LDB2: variants seen among roughly 807,000 people sequenced by gnomAD.
LDB2 encodes LIM domain-binding protein 2.
A neutral mutation model predicts 44.3 loss-of-function variants in LDB2; 12 were observed. The observed-to-expected ratio is 0.27, with a 90% CI of 0.17 to 0.44. The LOEUF is 0.44. Ranked by LOEUF, LDB2 falls within the 20% of genes least tolerant of loss-of-function variation. LDB2 has a pLI of 1.00. For synonymous variants in LDB2, 164 were observed against 174.8 expected (o/e 0.94, Z 0.49); for missense variants, 344 against 473.5 (o/e 0.73, Z 2.54).
chr4:16,594,090 T>A (rs1031890427), intron 3 of LDB2, among the ~76,000 whole-genome samples: 15 of 73,988 alleles, frequency 2.0e-4, no homozygotes, highest in Non-Finnish European at 3.1e-4. Flanking sequence ...TTATCATGGA[T>A]TTTTTTTTTC....
chr4:16,673,602 ACC>A (rs1745482795), intron 2 of LDB2, among the ~76,000 whole-genome samples: 1 of 152,092 alleles, frequency 6.6e-6, no homozygotes, highest in South Asian at 2.1e-4. Context: ...TTAGGAGAGC[ACC>A]CTTCTCCATG....
intron 5 of LDB2, among the ~76,000 whole-genome samples, chr4:16,573,535 T>G (rs912995110): frequency 5.9e-5 from 9 of 152,218 alleles, no homozygotes; most frequent in African/African-American, 2.2e-4. Flanking sequence ...TCTCATTTTC[T>G]GAACTCATGA....
At chr4:16,721,733 G>T (rs1445792005) in intron 2 of LDB2, among the ~76,000 whole-genome samples, 1 of 152,124 alleles carries the variant, frequency 6.6e-6, no homozygotes, top group Non-Finnish European at 1.5e-5. Flanking sequence ...AAGTCTCCTT[G>T]TCTCATCTTG....
chr4:16,825,098 A>AAG (rs758709223), intron 1 of LDB2, among the ~76,000 whole-genome samples: 3 of 152,186 alleles, frequency 2.0e-5, no homozygotes, highest in African/African-American at 4.8e-5. Flanking sequence ...GGTGGCTGGA[A>AAG]AGAGAGACCC....
chr4:16,615,344 T>C (rs967246522), intron 2 of LDB2, among the ~76,000 whole-genome samples: 3 of 152,138 alleles, frequency 2.0e-5, no homozygotes, highest in Non-Finnish European at 4.4e-5. Context: ...GGCAAAGACA[T>C]GGAACCAACC....
chr4:16,764,966 A>G (rs1453297725), intron 1 of LDB2, among the ~76,000 whole-genome samples: 2 of 152,182 alleles, frequency 1.3e-5, no homozygotes, highest in Non-Finnish European at 2.9e-5. Flanking sequence ...CATAATCATC[A>G]CACGTTAAAC....
intron 2 of LDB2, chr4:16,752,464 T>C (rs575896201): frequency 8.8e-6 from 4 of 452,690 alleles, no homozygotes; most frequent in South Asian, 6.3e-5. Flanking sequence ...GGTTCCTGTA[T>C]AGAAAGAAGA....
chr4:16,816,407 CTT>C lies in LDB2; in HGVS notation c.133-57149_133-57148del, dbSNP rs1171864969. ...TTTAGTTCTTATTTTCTTTTTCTTT[CTT>C]TTTTTTTTTTTTTTTTTGAGATGGA... is the stretch of plus-strand genomic sequence containing the variant. On this transcript the variant is annotated intron_variant, in intron 1 of 7. Coordinates refer to ENST00000304523, the MANE Select transcript of LDB2 (RefSeq NM_001290.5). Among the ~76,000 whole-genome samples the C allele has an allele frequency of 1.8e-4, 22 of 120,982 alleles. 1 individual carries two copies. The highest frequency in any genetic ancestry group is 4.8e-4 in the African/African-American group (15 of 30,946). The allele number at this position is 120,982 out of a possible 152,430, so 79.4% of individuals were successfully genotyped here.
chr4:16,674,380 G>A, intron 2 of LDB2: 5 of 772,172 alleles, frequency 6.5e-6, no homozygotes, highest in Non-Finnish European at 9.7e-6. Context: ...TGCCCTGGAG[G>A]CGGTGTTAGA....
chr4:16,724,286 T>A (rs1165755615), intron 2 of LDB2, among the ~76,000 whole-genome samples: 1 of 151,876 alleles, frequency 6.6e-6, no homozygotes, highest in Non-Finnish European at 1.5e-5. Flanking sequence ...TCTGGGTATC[T>A]GTGTTCTATT....
At chr4:16,731,391 G>A (rs1477493849) in intron 2 of LDB2, among the ~76,000 whole-genome samples, 1 of 152,168 alleles carries the variant, frequency 6.6e-6, no homozygotes, top group Admixed American at 6.5e-5. Flanking sequence ...ATGGTATTTG[G>A]AAACGGGGCC....
chr4:16,503,141 TA>T, intron 7 of LDB2: 1 of 1,535,240 alleles, frequency 6.5e-7, no homozygotes, highest in East Asian at 2.4e-5. Context: ...TCTGCAGAAA[TA>T]AAAAAATGTA....
At chr4:16,879,293 G>A (rs1006119529) in intron 1 of LDB2, among the ~76,000 whole-genome samples, 2 of 152,184 alleles carry the variant, frequency 1.3e-5, no homozygotes, top group African/African-American at 4.8e-5. Flanking sequence ...GGCAGGAGAG[G>A]ATGTGATGGT....
At chr4:16,865,935 G>A (rs766275490) in intron 1 of LDB2, among the ~76,000 whole-genome samples, 3 of 152,048 alleles carry the variant, frequency 2.0e-5, no homozygotes, top group East Asian at 1.9e-4. Context: ...CTTCCTGCAC[G>A]CCCCTGCTCC....
At chr4:16,753,839 C>G (rs1765952362) in intron 2 of LDB2, among the ~76,000 whole-genome samples, 1 of 152,212 alleles carries the variant, frequency 6.6e-6, no homozygotes, top group East Asian at 1.9e-4. Flanking sequence ...TCTGCATTGT[C>G]CTAGATCTCA....
chr4:16,718,988 C>T (rs769861303), intron 2 of LDB2, among the ~76,000 whole-genome samples: 12 of 151,704 alleles, frequency 7.9e-5, no homozygotes, highest in East Asian at 1.9e-4. Context: ...AATGTTTACA[C>T]GTTGTAGCAA....
intron 1 of LDB2, among the ~76,000 whole-genome samples, chr4:16,763,701 ACCATTTTATATTCACAACTAC>A (rs1212188968): frequency 6.6e-6 from 1 of 152,150 alleles, no homozygotes; most frequent in Non-Finnish European, 1.5e-5. Flanking sequence ...CATGTATTGA[ACCATTTTATATTCACAACTAC>A]CCTAATTGCT....
chr4:16,531,053 G>A (rs1729965945), intron 5 of LDB2, among the ~76,000 whole-genome samples: 1 of 152,194 alleles, frequency 6.6e-6, no homozygotes, highest in African/African-American at 2.4e-5. Context: ...CCCATAGCTA[G>A]AAAGTAGTGG....
At chr4:16,787,395 C>T (rs1774676092) in intron 1 of LDB2, among the ~76,000 whole-genome samples, 1 of 152,030 alleles carries the variant, frequency 6.6e-6, no homozygotes, top group South Asian at 2.1e-4. Flanking sequence ...GGCATATCAC[C>T]CGAGGTCAGG....
Sources: gnomAD v4.1 joint callset for allele counts (sites outside exome capture counted in the v4.1 genomes callset) on GRCh38, gnomAD v4.1.1 for gene constraint, MANE v1.5 for transcripts, NCBI Gene and HGNC (gene_info 2026-07-23, HGNC 2026-07-21) for gene names.